The following ITFG1 variants were observed in gnomAD, a reference collection of about 807,000 sequenced individuals.
ITFG1 encodes the protein integrin alpha FG-GAP repeat containing 1, also known as T-cell immunomodulatory protein.
A neutral mutation model predicts 81.8 loss-of-function variants in ITFG1; 34 were observed. The observed-to-expected ratio is 0.42, with a 90% CI of 0.32 to 0.55. The LOEUF is 0.55. Among genes scored for constraint, ITFG1 ranks in the 20% least tolerant of loss-of-function variants. The pLI, the probability that ITFG1 is intolerant of heterozygous loss-of-function variation, is 0.17. For missense variants in ITFG1, 672 were observed against 755.4 expected (o/e 0.89, Z 1.29); for synonymous variants, 285 against 270.6 (o/e 1.05, Z -0.52).
intron 14 of ITFG1, among the ~76,000 whole-genome samples, chr16:47,177,031 C>T (rs1442361566): frequency 1.3e-5 from 2 of 151,036 alleles, no homozygotes; most frequent in African/African-American, 2.4e-5. Context: ...CACACCATAG[C>T]TTACTGCAGC....
intron 9 of ITFG1, among the ~76,000 whole-genome samples, chr16:47,311,680 G>C (rs1187217552): frequency 6.6e-6 from 1 of 152,048 alleles, no homozygotes; most frequent in Non-Finnish European, 1.5e-5. Flanking sequence ...AATACCACAT[G>C]AATCTTAGGA....
intron 14 of ITFG1, among the ~76,000 whole-genome samples, chr16:47,200,168 C>A (rs1965408201): frequency 6.6e-6 from 1 of 152,146 alleles, no homozygotes; most frequent in South Asian, 2.1e-4. Context: ...GTAGGCTATA[C>A]CATCTGGGTT....
chr16:47,425,603 T>G (rs923841259), intron 6 of ITFG1, among the ~76,000 whole-genome samples: 7 of 151,312 alleles, frequency 4.6e-5, no homozygotes, highest in African/African-American at 1.7e-4. Flanking sequence ...TTTTTTTTTT[T>G]TTTTCCAGAC....
chr16:47,200,518 A>G (rs189627863), intron 14 of ITFG1, among the ~76,000 whole-genome samples: 8 of 152,238 alleles, frequency 5.3e-5, no homozygotes, highest in Non-Finnish European at 8.8e-5. Flanking sequence ...AGATATCATT[A>G]CACTTGACGA....
chr16:47,176,616 C>T (rs560904531), intron 14 of ITFG1, among the ~76,000 whole-genome samples: 2 of 152,200 alleles, frequency 1.3e-5, no homozygotes, highest in Non-Finnish European at 2.9e-5. Flanking sequence ...CTAAGAGAAT[C>T]ATACATTTGT....
chr16:47,222,966 G>A (rs1321733984), intron 13 of ITFG1, among the ~76,000 whole-genome samples: 1 of 151,882 alleles, frequency 6.6e-6, no homozygotes, highest in African/African-American at 2.4e-5. Flanking sequence ...ACAAACCTGA[G>A]AAAAACAAGC....
At chr16:47,303,206 GC>G (rs1967104185) in intron 10 of ITFG1, among the ~76,000 whole-genome samples, 1 of 152,062 alleles carries the variant, frequency 6.6e-6, no homozygotes, top group Non-Finnish European at 1.5e-5. Flanking sequence ...AGGGGGCGGA[GC>G]TTGCAGTGAG....
At position 47,258,621 on chromosome 16, in the gene ITFG1, A is replaced by T; in HGVS notation, c.1330+11T>A. 8.8e-7 allele frequency: 1 copy of T among 1,136,766 alleles called. No homozygotes were observed. Among genetic ancestry groups the T allele is most frequent in the Non-Finnish European group, 1.3e-6 (1 of 759,660 alleles). 70.4% of individuals were successfully genotyped at this position (1,136,766 alleles called of 1,614,324 possible). A position where few individuals can be genotyped will look rare whatever the true frequency, so the allele number is the denominator to read the frequency against. On this transcript the variant is annotated intron_variant, in intron 12 of 17. Transcript: ENST00000320640. ...AAAGAGAACAAAATTAAATGTTAGT[A>T]CTTTACTCACCAATAACTTTAACAA...
chr16:47,229,300 T>A (rs1033111514), intron 13 of ITFG1, among the ~76,000 whole-genome samples: 1 of 151,984 alleles, frequency 6.6e-6, no homozygotes, highest in African/African-American at 2.4e-5. Context: ...AACCTGAAGG[T>A]CACACAGAGC....
At chr16:47,256,657 A>G (rs1471538115) in intron 12 of ITFG1, among the ~76,000 whole-genome samples, 2 of 152,238 alleles carry the variant, frequency 1.3e-5, no homozygotes, top group Non-Finnish European at 2.9e-5. Flanking sequence ...GATTAGACTC[A>G]TGTATCAGTA....
At chr16:47,331,333 C>T (rs962260798) in intron 8 of ITFG1, among the ~76,000 whole-genome samples, 1 of 152,010 alleles carries the variant, frequency 6.6e-6, no homozygotes, top group African/African-American at 2.4e-5. Flanking sequence ...AAGGGAGGGA[C>T]AGAGGGAAGA....
chr16:47,315,581 C>T (rs1967341240), intron 8 of ITFG1, among the ~76,000 whole-genome samples: 1 of 151,994 alleles, frequency 6.6e-6, no homozygotes, highest in Non-Finnish European at 1.5e-5. Flanking sequence ...TATCTCATGC[C>T]TCTTTTGACA....
At position 47,343,743 on chromosome 16, in the gene ITFG1, A is replaced by C. The variant is rs772342830; in HGVS notation, c.802+22045T>G. On this transcript the variant is annotated intron_variant, in intron 8 of 17. Coordinates refer to ENST00000320640, the MANE Select transcript of ITFG1 (RefSeq NM_030790.5). ...TGTGGAGAAACTGGAACCCTTCCGC[A>C]CTGCTGGTAGGAACGTAAAATGTTT... is the stretch of plus-strand genomic sequence containing the variant. 1.6e-4 allele frequency among the ~76,000 whole-genome samples: 25 copies of C among 152,274 alleles called. No individual in the cohort carries two copies. The East Asian group carries it at 3.1e-3, about 19-fold the overall frequency.
intron 6 of ITFG1, among the ~76,000 whole-genome samples, 197 bp downstream of exon 6, chr16:47,428,607 C>A (rs569108211): frequency 1.3e-5 from 2 of 152,174 alleles, no homozygotes; most frequent in African/African-American, 4.8e-5. Context: ...TAATGAACAA[C>A]AAAAACAACA....
intron 10 of ITFG1, among the ~76,000 whole-genome samples, chr16:47,286,168 C>A (rs1966868603): frequency 6.6e-6 from 1 of 152,152 alleles, no homozygotes; most frequent in Admixed American, 6.5e-5. Context: ...AGAATTTAGA[C>A]TGTGATGCAG....
At chr16:47,292,195 G>A (rs1966915530) in intron 10 of ITFG1, among the ~76,000 whole-genome samples, 1 of 152,054 alleles carries the variant, frequency 6.6e-6, no homozygotes, top group Non-Finnish European at 1.5e-5. Context: ...TGTATTTTTA[G>A]TAGAGATCGG....
intron 8 of ITFG1, among the ~76,000 whole-genome samples, chr16:47,346,705 T>C (rs1383704972): frequency 6.6e-6 from 1 of 152,112 alleles, no homozygotes; most frequent in Non-Finnish European, 1.5e-5. Flanking sequence ...CCTACCAAGA[T>C]TGAATCATGA....
intron 13 of ITFG1, among the ~76,000 whole-genome samples, chr16:47,236,388 T>C (rs1018304841): frequency 6.2e-5 from 9 of 145,570 alleles, no homozygotes; most frequent in Non-Finnish European, 1.2e-4. Flanking sequence ...GGCAGGAGAA[T>C]GGCGTGAGCC....
intron 1 of ITFG1, among the ~76,000 whole-genome samples, chr16:47,459,727 T>C (rs139352729): frequency 2.6e-5 from 4 of 152,322 alleles, no homozygotes; most frequent in East Asian, 1.9e-4. Context: ...TTAGCACTCA[T>C]TGAGACAGAC....
Sources: gnomAD v4.1 joint callset for allele counts (sites outside exome capture counted in the v4.1 genomes callset) on GRCh38, gnomAD v4.1.1 for gene constraint, MANE v1.5 for transcripts, NCBI Gene and HGNC (gene_info 2026-07-23, HGNC 2026-07-21) for gene names.